Variants in GTF2I observed in about 807,000 individuals in gnomAD.
GTF2I encodes the protein general transcription factor II-I.
GTF2I carries 12 observed loss-of-function variants against 67.6 expected under a neutral mutation model. The ratio of observed to expected loss-of-function variants is 0.18; its 90% CI spans 0.11 to 0.29. GTF2I has a LOEUF of 0.29. Ranked by LOEUF, GTF2I falls within the 10% of genes least tolerant of loss-of-function variation. The pLI, the probability that GTF2I is intolerant of heterozygous loss-of-function variation, is 1.00. For synonymous variants in GTF2I, 149 were observed against 197.0 expected, an observed-to-expected ratio of 0.76 and a Z score of 2.04; for missense variants, 271 against 580.1, an observed-to-expected ratio of 0.47 and a Z score of 5.47.
chr7:74,691,678 T>C (rs1260244046), intron 3 of GTF2I, among the ~76,000 whole-genome samples: 3 of 152,232 alleles, frequency 2.0e-5, no homozygotes, highest in African/African-American at 7.2e-5. Flanking sequence ...CTTGCTTGGC[T>C]TTACTCTGGG....
intron 24 of GTF2I, among the ~76,000 whole-genome samples, chr7:74,748,623 CA>C (rs1554409523): frequency 6.9e-6 from 1 of 144,046 alleles, no homozygotes; most frequent in Non-Finnish European, 1.5e-5. Context: ...TAAAGATGCA[CA>C]AATAAGGCCA....
At position 74,701,473 on chromosome 7, in the gene GTF2I, T is replaced by TTTA. The variant is rs1554399867; in HGVS notation, c.586+848_586+850dup. Among the ~76,000 whole-genome samples, 11 of 152,098 alleles carry TTTA rather than the reference T, an allele frequency of 7.2e-5. 1 individual carries two copies. Among genetic ancestry groups the TTTA allele is most frequent in the African/African-American group, 2.7e-4 (11 of 41,410 alleles). On this transcript the variant is annotated intron_variant, in intron 6 of 34. Transcript: ENST00000573035. ...CCATAAAATTCACCTGCCTTTTTTT[T>TTTA]TTATTATTATTTTTTGAGACGGAGT... is the stretch of plus-strand genomic sequence containing the variant.
chr7:74,686,160 CAG>C (rs1554395461), intron 1 of GTF2I, among the ~76,000 whole-genome samples: 1 of 152,150 alleles, frequency 6.6e-6, no homozygotes, highest in African/African-American at 2.4e-5. Context: ...AGCAACCAAT[CAG>C]AGATACTTTG....
intron 1 of GTF2I, among the ~76,000 whole-genome samples, chr7:74,673,680 CTTTTTTTTT>C (rs34307938): frequency 8.3e-6 from 1 of 119,798 alleles, no homozygotes; most frequent in Admixed American, 8.6e-5. Flanking sequence ...CGCCCGGCCT[CTTTTTTTTT>C]TTTTTTTTTT....
intron 15 of GTF2I, among the ~76,000 whole-genome samples, chr7:74,733,192 C>T (rs2131526874): frequency 8.2e-6 from 1 of 121,890 alleles, no homozygotes; most frequent in African/African-American, 3.2e-5. Flanking sequence ...GTCTTGAACT[C>T]CTGACCTCAG....
chr7:74,725,123 G>C (rs2131481965), intron 12 of GTF2I, among the ~76,000 whole-genome samples: 1 of 152,244 alleles, frequency 6.6e-6, no homozygotes, highest in Non-Finnish European at 1.5e-5. Context: ...TAGAGCTTTA[G>C]TTGATGTTTT....
intron 16 of GTF2I, among the ~76,000 whole-genome samples, chr7:74,734,641 C>CA (rs113507534): frequency 0.19 from 24,688 of 127,032 alleles, no homozygotes; most frequent in African/African-American, 0.25. Flanking sequence ...AGGCTGATCT[C>CA]AAACTGCTGA....
intron 1 of GTF2I, among the ~76,000 whole-genome samples, chr7:74,680,539 G>A (rs774398365): frequency 9.9e-5 from 15 of 151,784 alleles, no homozygotes; most frequent in African/African-American, 2.7e-4. Flanking sequence ...TCAGGAGTTC[G>A]AGACCAGCCT....
chr7:74,704,465 A>AT (rs1248474737), intron 6 of GTF2I, among the ~76,000 whole-genome samples: 8 of 151,450 alleles, frequency 5.3e-5, no homozygotes, highest in Admixed American at 2.6e-4. Flanking sequence ...TAATTTTTAT[A>AT]TTTTTTTAGC....
At chr7:74,701,209 G>A (rs947438402) in intron 6 of GTF2I, among the ~76,000 whole-genome samples, 3 of 152,154 alleles carry the variant, frequency 2.0e-5, no homozygotes, top group African/African-American at 7.2e-5. Context: ...GGGAAGTCTA[G>A]CCATTTCATT....
At chr7:74,671,524 C>T (rs182256528) in intron 1 of GTF2I, among the ~76,000 whole-genome samples, 16 of 150,820 alleles carry the variant, frequency 1.1e-4, no homozygotes, top group African/African-American at 3.2e-4. Flanking sequence ...GCTTTAAGTA[C>T]GAATACAACA....
chr7:74,670,562 G>A (rs1805359396), intron 1 of GTF2I, among the ~76,000 whole-genome samples: 1 of 151,920 alleles, frequency 6.6e-6, no homozygotes, highest in Admixed American at 6.6e-5. Flanking sequence ...GCCAGGTGTG[G>A]TGGCATCTAC....
At chr7:74,711,391 A>C (rs1791524483) in intron 9 of GTF2I, among the ~76,000 whole-genome samples, 1 of 152,222 alleles carries the variant, frequency 6.6e-6, no homozygotes. Flanking sequence ...CTAGTGTTGC[A>C]AAATAAAACA....
chr7:74,703,179 T>TA (rs1246244007), intron 6 of GTF2I, among the ~76,000 whole-genome samples: 11 of 151,868 alleles, frequency 7.2e-5, no homozygotes, highest in South Asian at 4.2e-4. Flanking sequence ...GATGATTTGT[T>TA]AAAAAAAAAT....
intron 6 of GTF2I, among the ~76,000 whole-genome samples, chr7:74,703,605 C>G (rs1023870993): frequency 2.6e-5 from 4 of 152,200 alleles, no homozygotes; most frequent in African/African-American, 9.7e-5. Flanking sequence ...GTCTCAAACT[C>G]CAGACCTCAG....
intron 12 of GTF2I, among the ~76,000 whole-genome samples, chr7:74,719,734 G>A (rs1483810013): frequency 2.0e-5 from 3 of 152,078 alleles, no homozygotes; most frequent in Non-Finnish European, 4.4e-5. Flanking sequence ...AGCCTGACCA[G>A]CATGGTGAAA....
intron 6 of GTF2I, among the ~76,000 whole-genome samples, chr7:74,703,671 C>T (rs956932624): frequency 2.6e-5 from 4 of 152,216 alleles, no homozygotes; most frequent in Admixed American, 6.5e-5. Flanking sequence ...TGAGCCACTG[C>T]GCCTGGCCCT....
chr7:74,673,033 T>TA (rs1385220236), intron 1 of GTF2I, among the ~76,000 whole-genome samples: 8 of 152,060 alleles, frequency 5.3e-5, no homozygotes. Flanking sequence ...GCTAATTTTT[T>TA]GTATTTTTAG....
At chr7:74,699,991 A>C in intron 4 of GTF2I, 1 of 361,076 alleles carries the variant, frequency 2.8e-6, no homozygotes, top group African/African-American at 2.1e-5. Flanking sequence ...ATAGTGCAAG[A>C]AACCAACCAT....
Sources: gnomAD v4.1 joint callset for allele counts (sites outside exome capture counted in the v4.1 genomes callset) on GRCh38, gnomAD v4.1.1 for gene constraint, MANE v1.5 for transcripts, NCBI Gene and HGNC (gene_info 2026-07-23, HGNC 2026-07-21) for gene names.